Variants in FHIT observed in about 807,000 individuals in gnomAD.
FHIT encodes fragile histidine triad diadenosine triphosphatase.
Under a neutral mutation model 17.9 loss-of-function variants are expected in FHIT, and 19 were observed. The observed-to-expected ratio is 1.06, with a 90% CI of 0.74 to 1.56. FHIT has a LOEUF of 1.56. Among genes scored for constraint, FHIT ranks in the 40% most tolerant of loss-of-function variants. The pLI, the probability that FHIT is intolerant of heterozygous loss-of-function variation, is 0.00. For synonymous variants in FHIT, 81 were observed against 69.7 expected (o/e 1.16, Z -0.81); for missense variants, 248 against 189.2 (o/e 1.31, Z -1.82).
At chr3:60,952,391 T>C (rs982315084) in intron 3 of FHIT, among the ~76,000 whole-genome samples, 5 of 152,170 alleles carry the variant, frequency 3.3e-5, no homozygotes, top group Non-Finnish European at 7.3e-5. Context: ...TTCTGGTGTC[T>C]GTGTAGTCAC....
Position 59,970,735 on chromosome 3 carries a change from C to G in FHIT, c.279+40636G>C, listed in dbSNP as rs961783173. Among the ~76,000 whole-genome samples the G allele has an allele frequency of 3.9e-5, 6 of 152,152 alleles. No homozygotes were observed. In the East Asian group the frequency reaches 1.2e-3, roughly 29 times the overall value. On this transcript the variant is annotated intron_variant, in intron 7 of 9. Transcript: ENST00000492590. ...TGTTAATTTTTGTTATTGTTGTTCT[C>G]CGGGACTCCTAAATTTTCATACAAG... is the stretch of plus-strand genomic sequence containing the variant.
At chr3:59,978,733 G>T (rs1708521415) in intron 7 of FHIT, among the ~76,000 whole-genome samples, 1 of 150,006 alleles carries the variant, frequency 6.7e-6, no homozygotes, top group African/African-American at 2.4e-5. Context: ...GTTTCAAAGT[G>T]TCCCTCCTGC....
intron 5 of FHIT, among the ~76,000 whole-genome samples, chr3:60,045,368 C>T (rs555828751): frequency 6.6e-6 from 1 of 152,170 alleles, no homozygotes; most frequent in South Asian, 2.1e-4. Flanking sequence ...GAGCAAGTCA[C>T]TTCTTACATG....
At chr3:61,002,566 G>A (rs2107606210) in intron 3 of FHIT, among the ~76,000 whole-genome samples, 1 of 152,222 alleles carries the variant, frequency 6.6e-6, no homozygotes, top group South Asian at 2.1e-4. Flanking sequence ...ATTAGCCACT[G>A]CACCTGGCCA....
At chr3:60,968,158 C>T (rs1022149549) in intron 3 of FHIT, among the ~76,000 whole-genome samples, 1 of 152,194 alleles carries the variant, frequency 6.6e-6, no homozygotes, top group African/African-American at 2.4e-5. Context: ...CACACCTTTC[C>T]AACTTTTAGG....
At chr3:60,910,077 TA>T in intron 3 of FHIT, among the ~76,000 whole-genome samples, 1 of 152,300 alleles carries the variant, frequency 6.6e-6, no homozygotes, top group South Asian at 2.1e-4. Context: ...TCCCGCCCTT[TA>T]CCCTCTCCCC....
At chr3:60,715,141 A>G in intron 4 of FHIT, among the ~76,000 whole-genome samples, 1 of 152,136 alleles carries the variant, frequency 6.6e-6, no homozygotes, top group Admixed American at 6.5e-5. Flanking sequence ...CATATCTACA[A>G]CTATCTGATC....
At chr3:60,079,603 C>G (rs980627479) in intron 5 of FHIT, among the ~76,000 whole-genome samples, 1 of 151,984 alleles carries the variant, frequency 6.6e-6, no homozygotes, top group African/African-American at 2.4e-5. Flanking sequence ...CTCCTGAGAA[C>G]CCTACCTTCT....
chr3:59,873,134 T>C (rs952320242), intron 8 of FHIT, among the ~76,000 whole-genome samples: 5 of 152,224 alleles, frequency 3.3e-5, no homozygotes, highest in Non-Finnish European at 5.9e-5. Flanking sequence ...GTTTTACCTC[T>C]GGATAGTTAC....
At chr3:60,823,593 A>C (rs1224322041) in intron 3 of FHIT, among the ~76,000 whole-genome samples, 1 of 152,148 alleles carries the variant, frequency 6.6e-6, no homozygotes, top group African/African-American at 2.4e-5. Flanking sequence ...AGTTAGGAAA[A>C]GGCAAAGAAA....
At chr3:60,674,164 TGTA>T (rs1354422243) in intron 4 of FHIT, among the ~76,000 whole-genome samples, 1 of 152,160 alleles carries the variant, frequency 6.6e-6, no homozygotes, top group Non-Finnish European at 1.5e-5. Flanking sequence ...TGATCTTTTC[TGTA>T]GTTTCTAATA....
chr3:61,062,752 TA>T (rs1456927867), intron 2 of FHIT, among the ~76,000 whole-genome samples: 1 of 152,184 alleles, frequency 6.6e-6, no homozygotes, highest in South Asian at 2.1e-4. Context: ...AGCCATGAAT[TA>T]AGTGGATCTG....
chr3:60,044,030 T>C (rs1256868693), intron 5 of FHIT, among the ~76,000 whole-genome samples: 4 of 152,212 alleles, frequency 2.6e-5, no homozygotes, highest in Non-Finnish European at 5.9e-5. Context: ...TCCAATACTT[T>C]CCATTTTTCT....
intron 3 of FHIT, among the ~76,000 whole-genome samples, chr3:61,027,611 T>C (rs532366710): frequency 2.6e-5 from 4 of 152,344 alleles, no homozygotes; most frequent in African/African-American, 2.4e-5. Flanking sequence ...TAACTTAAAG[T>C]GTGCCATATC....
At chr3:60,792,932 C>T (rs782243335) in intron 4 of FHIT, among the ~76,000 whole-genome samples, 10 of 151,546 alleles carry the variant, frequency 6.6e-5, no homozygotes, top group Non-Finnish European at 1.3e-4. Flanking sequence ...TATGAGTAGC[C>T]GAATAATGGT....
chr3:61,110,415 A>C (rs1312047994), intron 2 of FHIT, among the ~76,000 whole-genome samples: 1 of 152,076 alleles, frequency 6.6e-6, no homozygotes, highest in Non-Finnish European at 1.5e-5. Context: ...CTAAGGCAGC[A>C]CACAAGCCAG....
At chr3:60,124,922 G>A (rs115068626) in intron 5 of FHIT, among the ~76,000 whole-genome samples, 2,045 of 152,236 alleles carry the variant, frequency 0.013, 47 homozygotes, top group African/African-American at 0.045. Flanking sequence ...TGAGGATCTT[G>A]CTAGGGGTCA....
intron 7 of FHIT, among the ~76,000 whole-genome samples, chr3:59,938,576 A>G (rs1706356380): frequency 1.3e-5 from 2 of 152,138 alleles, no homozygotes; most frequent in Admixed American, 6.6e-5. Flanking sequence ...CAAACACCCA[A>G]AAAAGTGAGT....
At chr3:60,607,831 T>G (rs2038657387) in intron 4 of FHIT, among the ~76,000 whole-genome samples, 1 of 152,174 alleles carries the variant, frequency 6.6e-6, no homozygotes, top group African/African-American at 2.4e-5. Flanking sequence ...TATATTCATA[T>G]TCTTGAGAAG....
Sources: allele counts gnomAD v4.1 joint callset (sites outside exome capture counted in the v4.1 genomes callset), GRCh38; gene constraint gnomAD v4.1.1; transcripts MANE v1.5; gene names NCBI Gene and HGNC (gene_info 2026-07-23, HGNC 2026-07-21).